The following MICAL2 variants were observed in gnomAD, a reference collection of about 807,000 sequenced individuals.
MICAL2 encodes [F-actin]-monooxygenase MICAL2.
In MICAL2, 77 loss-of-function variants were observed where a neutral mutation model predicts 127.3. The ratio of observed to expected loss-of-function variants is 0.60; its 90% CI spans 0.50 to 0.73. The LOEUF (loss-of-function observed/expected upper bound fraction) is 0.73, where lower values mean the gene tolerates loss of function less well. Among genes scored for constraint, MICAL2 ranks in the 30% least tolerant of loss-of-function variants. The pLI is 0.00. For synonymous variants in MICAL2, 570 were observed against 551.1 expected (o/e 1.03, Z -0.48); for missense variants, 1,351 against 1,434.4 (o/e 0.94, Z 0.94).
intron 2 of MICAL2, among the ~76,000 whole-genome samples, chr11:12,282,004 G>T (rs1323131676): frequency 6.6e-6 from 1 of 152,174 alleles, no homozygotes; most frequent in African/African-American, 2.4e-5. Flanking sequence ...GGGAGAGCTG[G>T]AGCTCAACTT....
chr11:12,322,472 T>G (rs1446773715), intron 30 of MICAL2, among the ~76,000 whole-genome samples: 1 of 152,178 alleles, frequency 6.6e-6, no homozygotes, highest in Non-Finnish European at 1.5e-5. Context: ...AAAATTTTCT[T>G]CCAAGGATGA....
In MICAL2 at chr11:12,227,126, C is replaced by A; in HGVS notation, c.1990C>A (p.Pro664Thr). ...CCTCACATTTCCAAGGAAGAGGACTCCACGGGTAAGTTTTGGCCTGGTTTC... is the reference window on the plus strand; with the variant it reads ...CCTCACATTTCCAAGGAAGAGGACTACACGGGTAAGTTTTGGCCTGGTTTC... ...LNLTFPRKRTPRVDGQTGEND... is the reference protein window; with the variant it reads ...LNLTFPRKRTTRVDGQTGEND... The change falls in exon 15 of 28, where the codon CCA (proline) becomes ACA (threonine). Residue 664 changes from proline to threonine, a missense_variant. This residue lies in a region of MICAL2 where 752 missense variants were observed against 719.4 expected (regional missense o/e 1.05). Transcript: ENST00000683283. 6.2e-7 allele frequency: 1 copy of A among 1,611,464 alleles called. No homozygotes were observed. The highest frequency in any genetic ancestry group is 1.7e-4 in the Middle Eastern group (1 of 6,058).
At position 12,203,016 on chromosome 11, in the gene MICAL2, C is replaced by T. The variant is rs551321508; in HGVS notation, c.265-1234C>T. On this transcript the variant is annotated intron_variant, in intron 3 of 27. Transcript: ENST00000683283. ...GCCTATTCTGGACATTTCATATAAA[C>T]GAAATACAATATGTGTCCTTTTGTA... Among the ~76,000 whole-genome samples, 37 of 152,284 alleles carry T rather than the reference C, an allele frequency of 2.4e-4. 1 individual carries two copies. Among genetic ancestry groups the T allele is most frequent in the South Asian group, 1.0e-3 (5 of 4,828 alleles).
chr11:12,289,117 A>T (rs926512186), downstream of MICAL2, among the ~76,000 whole-genome samples: 5 of 152,202 alleles, frequency 3.3e-5, no homozygotes, highest in African/African-American at 1.2e-4. Context: ...GACCTCTAGG[A>T]TCTACGAGAA....
chr11:12,188,109 TG>T (rs1429015322), intron 3 of MICAL2, among the ~76,000 whole-genome samples: 1 of 152,218 alleles, frequency 6.6e-6, no homozygotes, highest in African/African-American at 2.4e-5. Flanking sequence ...ACTTGAAATG[TG>T]GTAAGTCCGC....
chr11:12,208,582 T>A (rs1427390128), intron 5 of MICAL2, among the ~76,000 whole-genome samples: 4 of 152,252 alleles, frequency 2.6e-5, no homozygotes, highest in Non-Finnish European at 5.9e-5. Flanking sequence ...AGGTTCAAGA[T>A]GTTATTTGGT....
chr11:12,355,900 A>G (rs1324299389), intron 34 of MICAL2, among the ~76,000 whole-genome samples: 6 of 152,240 alleles, frequency 3.9e-5, no homozygotes, highest in African/African-American at 1.4e-4. Flanking sequence ...ATCATTTTTT[A>G]TATGTCAGAG....
intron 26 of MICAL2, chr11:12,260,927 G>A (rs1036399014): frequency 1.0e-6 from 1 of 985,334 alleles, no homozygotes; most frequent in African/African-American, 1.7e-5. Flanking sequence ...CCACTAATGG[G>A]CACTGCAGGG....
chr11:12,349,215 C>A (rs1465864844), intron 32 of MICAL2, among the ~76,000 whole-genome samples: 1 of 152,168 alleles, frequency 6.6e-6, no homozygotes, highest in Non-Finnish European at 1.5e-5. Context: ...CGTGATTCTT[C>A]TTCTGTTTAA....
intron 1 of MICAL2, among the ~76,000 whole-genome samples, chr11:12,112,283 C>T (rs954574293): frequency 2.0e-5 from 3 of 152,208 alleles, no homozygotes; most frequent in African/African-American, 7.2e-5. Context: ...TCAGGGGATG[C>T]TTCTTTGGCA....
downstream of MICAL2, among the ~76,000 whole-genome samples, chr11:12,268,044 C>A (rs1192890209): frequency 6.6e-6 from 1 of 152,178 alleles, no homozygotes; most frequent in African/African-American, 2.4e-5. Context: ...ACATAGTGGG[C>A]CCTCAAAAAA....
chr11:12,122,841 C>G (rs904905645), intron 1 of MICAL2, among the ~76,000 whole-genome samples: 1 of 152,150 alleles, frequency 6.6e-6, no homozygotes, highest in Non-Finnish European at 1.5e-5. Context: ...TCTGGGAGAG[C>G]CTTATCATCA....
intron 2 of MICAL2, among the ~76,000 whole-genome samples, chr11:12,283,344 A>T (rs1243723303): frequency 8.1e-5 from 3 of 36,900 alleles, no homozygotes; most frequent in Non-Finnish European, 1.3e-4. Flanking sequence ...TGTGGAGTTT[A>T]AAAAAAAAAA....
intron 16 of MICAL2, among the ~76,000 whole-genome samples, chr11:12,237,876 A>G (rs1270327913): frequency 6.6e-6 from 1 of 152,230 alleles, no homozygotes; most frequent in African/African-American, 2.4e-5. Context: ...TTAATGTCTG[A>G]AAGTGCTGGC....
chr11:12,233,332 T>A (rs568723379), intron 15 of MICAL2, among the ~76,000 whole-genome samples: 1 of 152,382 alleles, frequency 6.6e-6, no homozygotes, highest in South Asian at 2.1e-4. Flanking sequence ...CCATGATTCC[T>A]TGAAGAAAGA....
At chr11:12,118,296 A>T (rs977403111) in intron 1 of MICAL2, among the ~76,000 whole-genome samples, 22 of 152,324 alleles carry the variant, frequency 1.4e-4, no homozygotes, top group Middle Eastern at 3.4e-3. Context: ...GTACAAAGGA[A>T]ATTGAATGAA....
rs185792363 is a variant in MICAL2 at position 12,155,941 on chromosome 11, T to C, written c.-77-6138T>C. On this transcript the variant is annotated intron_variant, in intron 2 of 27. Transcript: ENST00000683283. ...CCGGCGCCTGGTACTGTTGAGTGGC[T>C]ATAAGAAGCAATGGATGAGGTGAGG... is the stretch of plus-strand genomic sequence containing the variant. Among the ~76,000 whole-genome samples the C allele has an allele frequency of 1.2e-4, 19 of 152,338 alleles. No individual in the cohort carries two copies. The East Asian group carries it at 3.5e-3, about 28-fold the overall frequency.
intron 2 of MICAL2, among the ~76,000 whole-genome samples, chr11:12,149,788 CA>C (rs1283513035): frequency 6.6e-6 from 1 of 152,178 alleles, no homozygotes; most frequent in Non-Finnish European, 1.5e-5. Context: ...GTTGGTGACA[CA>C]AGGGCCTGAA....
intron 2 of MICAL2, among the ~76,000 whole-genome samples, chr11:12,149,523 G>A (rs1423047743): frequency 6.6e-6 from 1 of 152,190 alleles, no homozygotes; most frequent in Non-Finnish European, 1.5e-5. Context: ...GGTGACAGCA[G>A]GTGGAGACCT....
Sources: gnomAD v4.1 joint callset for allele counts (sites outside exome capture counted in the v4.1 genomes callset) on GRCh38, gnomAD v4.1.1 for gene constraint, gnomAD v4.1.1 regional missense constraint, MANE v1.5 for transcripts, NCBI Gene and HGNC (gene_info 2026-07-23, HGNC 2026-07-21) for gene names.